The following SRBD1 variants were observed in gnomAD, a reference collection of about 807,000 sequenced individuals.
The protein encoded by SRBD1 is S1 RNA binding domain 1, also known as S1 RNA-binding domain-containing protein 1.
SRBD1 carries 88 observed loss-of-function variants against 115.3 expected under a neutral mutation model. The observed-to-expected ratio is 0.76, with a 90% confidence interval of 0.64 to 0.91. The LOEUF (loss-of-function observed/expected upper bound fraction) is 0.91. Ranked by LOEUF, SRBD1 falls within the 40% of genes least tolerant of loss-of-function variation. The probability of loss-of-function intolerance (pLI) is 0.00; values close to 1 mark genes in which losing one functional copy is unlikely to be tolerated. For missense variants in SRBD1, 1,385 were observed against 1,177.4 expected, an observed-to-expected ratio of 1.18 and a Z score of -2.58; for synonymous variants, 509 against 407.7, an observed-to-expected ratio of 1.25 and a Z score of -2.99.
At chr2:45,562,123 G>T (rs1047126195) in intron 10 of SRBD1, among the ~76,000 whole-genome samples, 1 of 151,754 alleles carries the variant, frequency 6.6e-6, no homozygotes, top group African/African-American at 2.4e-5. Flanking sequence ...ACACCCTCCT[G>T]GATATTCTCT....
intron 14 of SRBD1, among the ~76,000 whole-genome samples, chr2:45,496,213 G>T (rs2103878325): frequency 6.6e-6 from 1 of 152,216 alleles, no homozygotes; most frequent in East Asian, 1.9e-4. Context: ...GCATCTGTGG[G>T]AGTTTGTCCA....
chr2:45,406,972 T>C (rs1281134307), intron 19 of SRBD1, among the ~76,000 whole-genome samples: 3 of 152,188 alleles, frequency 2.0e-5, no homozygotes, highest in Non-Finnish European at 4.4e-5. Context: ...TACCTTTAAT[T>C]GGAAAGACCA....
chr2:45,495,969 C>T (rs1670446515), intron 14 of SRBD1, among the ~76,000 whole-genome samples: 1 of 152,186 alleles, frequency 6.6e-6, no homozygotes, highest in Non-Finnish European at 1.5e-5. Context: ...GATTCTTGCA[C>T]TTAACTCCAA....
chr2:45,487,976 T>C (rs934089022), intron 15 of SRBD1, among the ~76,000 whole-genome samples: 3 of 152,144 alleles, frequency 2.0e-5, no homozygotes, highest in East Asian at 1.9e-4. Flanking sequence ...CTGAACTCTC[T>C]AGCATTTAAT....
In SRBD1 at chr2:45,477,114, T is replaced by G. The variant is rs781593790; in HGVS notation, c.1967-39A>C. On this transcript the variant is annotated intron_variant, in intron 15 of 20. Coordinates refer to ENST00000263736, the MANE Select transcript of SRBD1 (RefSeq NM_018079.5). ...ATCAGAAAACAAGTATGACTTAATG[T>G]GAAAAGCAGTACCTAATAATTACTT... 2.0e-6 allele frequency: 3 copies of G among 1,523,350 alleles called. No homozygotes were observed. The African/African-American group carries it at 4.1e-5, about 21-fold the overall frequency. The allele number at this position is 1,523,350 out of a possible 1,614,324, so 94.4% of individuals were successfully genotyped here. A position where few individuals can be genotyped will look rare whatever the true frequency, so the allele number is the denominator to read the frequency against.
At chr2:45,456,082 A>G (rs1361416079) in intron 16 of SRBD1, among the ~76,000 whole-genome samples, 1 of 151,880 alleles carries the variant, frequency 6.6e-6, no homozygotes, top group African/African-American at 2.4e-5. Flanking sequence ...AAGAAAAGCT[A>G]AATTTGGTTT....
chr2:45,540,340 TAAAAAAA>T (rs755106184), intron 14 of SRBD1, among the ~76,000 whole-genome samples: 1 of 130,116 alleles, frequency 7.7e-6, no homozygotes, highest in African/African-American at 2.8e-5. Context: ...GAGTCCATCT[TAAAAAAA>T]AAAAAAAAAA....
chr2:45,568,266 A>G (rs1340301522), intron 9 of SRBD1, among the ~76,000 whole-genome samples: 3 of 152,362 alleles, frequency 2.0e-5, no homozygotes, highest in East Asian at 3.9e-4. Context: ...CTAAGCAGCT[A>G]TTAACGGCTA....
chr2:45,524,300 T>C (rs756108813), intron 14 of SRBD1, among the ~76,000 whole-genome samples: 2 of 152,030 alleles, frequency 1.3e-5, no homozygotes, highest in Admixed American at 1.3e-4. Context: ...CTTCTAGCTA[T>C]GGTAATTAGG....
intron 14 of SRBD1, among the ~76,000 whole-genome samples, chr2:45,493,048 C>T (rs780818573): frequency 1.3e-5 from 2 of 152,182 alleles, no homozygotes; most frequent in Non-Finnish European, 2.9e-5. Context: ...TCAGGCTCTA[C>T]AAATATCTAG....
intron 16 of SRBD1, among the ~76,000 whole-genome samples, chr2:45,448,898 T>A (rs558319737): frequency 2.0e-5 from 3 of 152,312 alleles, no homozygotes; most frequent in South Asian, 2.1e-4. Context: ...AAGAAGAAAC[T>A]AATACAATTT....
At chr2:45,600,126 T>C (rs1246469812) in intron 3 of SRBD1, among the ~76,000 whole-genome samples, 1 of 152,180 alleles carries the variant, frequency 6.6e-6, no homozygotes, top group Admixed American at 6.5e-5. Flanking sequence ...GTGATGGAAC[T>C]TTTCTGTCAT....
At chr2:45,558,188 G>A (rs1011847472) in intron 10 of SRBD1, among the ~76,000 whole-genome samples, 5 of 152,194 alleles carry the variant, frequency 3.3e-5, no homozygotes, top group African/African-American at 9.6e-5. Context: ...TCTGAAGCCA[G>A]GTGTGGTGGT....
intron 16 of SRBD1, among the ~76,000 whole-genome samples, chr2:45,465,042 C>CAT (rs1332130159): frequency 7.0e-6 from 1 of 142,906 alleles, no homozygotes; most frequent in African/African-American, 2.7e-5. Flanking sequence ...CACACACACA[C>CAT]ACACACAGAG....
intron 16 of SRBD1, among the ~76,000 whole-genome samples, chr2:45,466,046 T>C (rs1026062224): frequency 6.6e-6 from 1 of 152,168 alleles, no homozygotes; most frequent in African/African-American, 2.4e-5. Context: ...GAGCTGAAGA[T>C]ACAAGAAGTG....
intron 16 of SRBD1, among the ~76,000 whole-genome samples, chr2:45,434,922 C>A (rs1167472725): frequency 1.3e-5 from 2 of 151,558 alleles, no homozygotes; most frequent in Non-Finnish European, 2.9e-5. Flanking sequence ...CCTCCCCGCT[C>A]CCCCCACCCC....
intron 14 of SRBD1, among the ~76,000 whole-genome samples, chr2:45,518,671 T>C (rs149756452): frequency 2.0e-5 from 3 of 152,316 alleles, no homozygotes; most frequent in African/African-American, 7.2e-5. Context: ...ATCTTTTTTA[T>C]GTTTTGGACA....
At chr2:45,434,277 T>C (rs1317334572) in intron 16 of SRBD1, among the ~76,000 whole-genome samples, 1 of 152,214 alleles carries the variant, frequency 6.6e-6, no homozygotes, top group Non-Finnish European at 1.5e-5. Flanking sequence ...ACTCAAGTCA[T>C]GGACCTTCTC....
At chr2:45,514,289 G>A (rs1477246) in intron 14 of SRBD1, among the ~76,000 whole-genome samples, 53,339 of 151,884 alleles carry the variant, frequency 0.35, 10,441 homozygotes, top group Non-Finnish European at 0.45. Flanking sequence ...CACATTCAAC[G>A]AAGTGGTGAA....
Sources: gnomAD v4.1 joint callset for allele counts (sites outside exome capture counted in the v4.1 genomes callset) on GRCh38, gnomAD v4.1.1 for gene constraint, MANE v1.5 for transcripts, NCBI Gene and HGNC (gene_info 2026-07-23, HGNC 2026-07-21) for gene names.